The following VPREB3 variants were observed in gnomAD, a reference collection of about 807,000 sequenced individuals.
VPREB3 encodes V-set pre-B cell surrogate light chain 3.
In VPREB3, 14 loss-of-function variants were observed where a neutral mutation model predicts 12.9. The observed-to-expected ratio is 1.09, with a 90% CI of 0.72 to 1.70. VPREB3 has a LOEUF of 1.70. Among genes scored for constraint, VPREB3 ranks in the 40% most tolerant of loss-of-function variants. The pLI is 0.00. For missense variants in VPREB3, 165 were observed against 159.6 expected (o/e 1.03, Z -0.18); for synonymous variants, 78 against 70.1 (o/e 1.11, Z -0.56).
chr22:23,753,313 A>G (rs1385445134), intron 1 of VPREB3, 115 bp from the exon 2 acceptor site: 45 of 1,136,728 alleles, frequency 4.0e-5, no homozygotes, highest in Non-Finnish European at 5.4e-5. Context: ...GCCCAGTGCT[A>G]TGGGATTAGC....
chr22:23,753,732 G>C (rs1422520223), intron 1 of VPREB3, among the ~76,000 whole-genome samples: 1 of 152,270 alleles, frequency 6.6e-6, no homozygotes, highest in African/African-American at 2.4e-5. Flanking sequence ...ACCCACAATA[G>C]CTTCCCCTGT....
chr22:23,752,846 G>A lies in VPREB3; in HGVS notation c.*30C>T. On this transcript the variant is annotated 3_prime_UTR_variant, in exon 2 of 2. Transcript: ENST00000248948. Reference sequence around the variant, plus strand: ...AGGTCAGGGGCAGAAATGGGAGGCAGAGGGGAGGCACCCATCTCACACCCC... The same window carrying A: ...AGGTCAGGGGCAGAAATGGGAGGCAAAGGGGAGGCACCCATCTCACACCCC... 6.3e-7 allele frequency: 1 copy of A among 1,583,184 alleles called. No homozygotes were observed. The highest frequency in any genetic ancestry group is 8.6e-7 in the Non-Finnish European group (1 of 1,159,192).
intron 1 of VPREB3, 131 bp downstream of exon 1, chr22:23,754,182 CAA>C (rs58473615): frequency 8.4e-3 from 6,361 of 755,830 alleles, no homozygotes; most frequent in Non-Finnish European, 9.2e-3. Context: ...AACTCCGTCT[CAA>C]AAAAAAAAAA....
At position 23,753,149 on chromosome 22, in the gene VPREB3, G is replaced by T; in HGVS notation, c.99C>A (p.Gly33=). ...AQLDALLVFP[G]QVAQLSCTLS... Reference sequence around the variant, plus strand: ...GCGTGCAGGAGAGTTGAGCCACTTGGCCTGGGAAGACCAGCAGTGCATCCA... The same window carrying T: ...GCGTGCAGGAGAGTTGAGCCACTTGTCCTGGGAAGACCAGCAGTGCATCCA... Residue 33 remains glycine, a synonymous_variant, in exon 2 of 2, where the codon GGC becomes GGA. Transcript: ENST00000248948. 2 of 1,611,656 alleles carry T rather than the reference G, an allele frequency of 1.2e-6. No individual in the cohort carries two copies. Among genetic ancestry groups the T allele is most frequent in the East Asian group, 2.2e-5 (1 of 44,760 alleles).
At chr22:23,754,282 C>T in intron 1 of VPREB3, 33 bp downstream of exon 1, 1 of 1,580,314 alleles carries the variant, frequency 6.3e-7, no homozygotes, top group Non-Finnish European at 8.6e-7. Context: ...CCCCACCCCA[C>T]ACCCAGGTGA....
intron 1 of VPREB3, among the ~76,000 whole-genome samples, chr22:23,753,803 G>T (rs568588640): frequency 6.6e-6 from 1 of 152,118 alleles, no homozygotes; most frequent in Non-Finnish European, 1.5e-5. Flanking sequence ...GGTCATTCAC[G>T]AATGAGAAAA....
chr22:23,754,182 C>CAAA, intron 1 of VPREB3, 133 bp downstream of exon 1: 10 of 776,724 alleles, frequency 1.3e-5, no homozygotes, highest in African/African-American at 4.0e-5. Flanking sequence ...AACTCCGTCT[C>CAAA]AAAAAAAAAA....
At chr22:23,754,025 A>C (rs532795925) in intron 1 of VPREB3, among the ~76,000 whole-genome samples, 1 of 152,122 alleles carries the variant, frequency 6.6e-6, no homozygotes, top group South Asian at 2.1e-4. Flanking sequence ...CTCTACTAAA[A>C]ATACAAAATT....
chr22:23,754,406 T>G lies in VPREB3; in HGVS notation c.-43A>C. The G allele has an allele frequency of 6.3e-7, 1 of 1,586,272 alleles. No individual in the cohort carries two copies. The highest frequency in any genetic ancestry group is 8.6e-7 in the Non-Finnish European group (1 of 1,165,342). On this transcript the variant is annotated 5_prime_UTR_variant, in exon 1 of 2. Coordinates refer to ENST00000248948, the MANE Select transcript of VPREB3 (RefSeq NM_013378.3). ...CAGGCAAGTAGAAGTTCTGCAAGGCTATATGCTCCAGGTGCTTTGGGGCAC... is the reference window on the plus strand; with the variant it reads ...CAGGCAAGTAGAAGTTCTGCAAGGCGATATGCTCCAGGTGCTTTGGGGCAC...
intron 1 of VPREB3, 81 bp from the exon 2 acceptor site, chr22:23,753,279 A>G (rs1031161133): frequency 8.9e-5 from 124 of 1,394,552 alleles, no homozygotes; most frequent in Non-Finnish European, 1.1e-4. Context: ...CTCCATGGAG[A>G]CTCCCAGTCC....
At position 23,753,167 on chromosome 22, in the gene VPREB3, T is replaced by C. The variant is rs552353566; in HGVS notation, c.81A>G (p.Ala27=). 322 of 1,607,156 alleles carry C rather than the reference T, an allele frequency of 2.0e-4. 2 individuals are homozygous for C. The South Asian group carries it at 3.4e-3, about 17-fold the overall frequency. The change falls in exon 2 of 2, where the codon GCA becomes GCG. Residue 27 remains alanine, a synonymous_variant. Transcript: ENST00000248948. ...VSQTVLAQLD[A]LLVFPGQVAQ... ...CCACTTGGCCTGGGAAGACCAGCAG[T>C]GCATCCAGCTGGGCCAGGACTGTCT...
At chr22:23,754,229 T>G in intron 1 of VPREB3, 86 bp downstream of exon 1, 1 of 1,399,988 alleles carries the variant, frequency 7.1e-7, no homozygotes. Context: ...ACTGTCCCCA[T>G]CGATTTGCCT....
intron 1 of VPREB3, 98 bp from the exon 2 acceptor site, chr22:23,753,296 G>T: frequency 7.9e-7 from 1 of 1,271,102 alleles, no homozygotes; most frequent in Non-Finnish European, 1.1e-6. Context: ...GTCCCAAAGG[G>T]CTCATAGCCC....
At chr22:23,753,806 T>C in intron 1 of VPREB3, among the ~76,000 whole-genome samples, 1 of 152,234 alleles carries the variant, frequency 6.6e-6, no homozygotes, top group African/African-American at 2.4e-5. Context: ...CATTCACGAA[T>C]GAGAAAACCA....
At chr22:23,753,431 T>C (rs1925423635) in intron 1 of VPREB3, among the ~76,000 whole-genome samples, 1 of 152,108 alleles carries the variant, frequency 6.6e-6, no homozygotes, top group Admixed American at 6.6e-5. Context: ...CAAATCTCCA[T>C]TAGTGCCATA....
chr22:23,754,365 G>A lies in VPREB3; in HGVS notation c.-2C>T, dbSNP rs1335121759. On this transcript the variant is annotated 5_prime_UTR_variant, in exon 1 of 2. Coordinates refer to ENST00000248948, the MANE Select transcript of VPREB3 (RefSeq NM_013378.3). The stretch of plus-strand genomic sequence containing the variant: ...GAAGCTGAGGCACCGGCAGGCCATG[G>A]CCAGAGGCAGGGAGGCAGGCAAGTA... 1 of 1,608,940 alleles carries A rather than the reference G, an allele frequency of 6.2e-7. No individual in the cohort carries two copies. Among genetic ancestry groups the A allele is most frequent in the Non-Finnish European group, 8.5e-7 (1 of 1,177,820 alleles).
In VPREB3 at chr22:23,752,772, C is replaced by A; in HGVS notation, c.*104G>T. ...GTTGACATGTTGAATATTATTAACC[C>A]ATTTTACAGAGGGGAAGCAAGGCTC... On this transcript the variant is annotated 3_prime_UTR_variant, in exon 2 of 2. Coordinates refer to ENST00000248948, the MANE Select transcript of VPREB3 (RefSeq NM_013378.3). 1 of 1,085,592 alleles carries A rather than the reference C, an allele frequency of 9.2e-7. No homozygotes were observed. Among genetic ancestry groups the A allele is most frequent in the Non-Finnish European group, 1.3e-6 (1 of 749,260 alleles). The allele number at this position is 1,085,592 out of a possible 1,614,324, so 67.2% of individuals were successfully genotyped here.
At chr22:23,753,304 C>T in intron 1 of VPREB3, 106 bp from the exon 2 acceptor site, 1 of 1,205,756 alleles carries the variant, frequency 8.3e-7, no homozygotes, top group East Asian at 2.6e-5. Flanking sequence ...GGGCTCATAG[C>T]CCAGTGCTAT....
rs1047903724 is a variant in VPREB3, at chr22:23,754,401, A to G, written c.-38T>C. 1 of 1,591,402 alleles carries G rather than the reference A, an allele frequency of 6.3e-7. No individual in the cohort carries two copies. Among genetic ancestry groups the G allele is most frequent in the African/African-American group, 1.3e-5 (1 of 74,530 alleles). Reference sequence around the variant, plus strand: ...GGAGGCAGGCAAGTAGAAGTTCTGCAAGGCTATATGCTCCAGGTGCTTTGG... The same window carrying G: ...GGAGGCAGGCAAGTAGAAGTTCTGCGAGGCTATATGCTCCAGGTGCTTTGG... On this transcript the variant is annotated 5_prime_UTR_variant, in exon 1 of 2. Transcript: ENST00000248948.
Sources: gnomAD v4.1 joint callset for allele counts (sites outside exome capture counted in the v4.1 genomes callset) on GRCh38, gnomAD v4.1.1 for gene constraint, MANE v1.5 for transcripts, NCBI Gene and HGNC (gene_info 2026-07-23, HGNC 2026-07-21) for gene names.